Variants in HIVEP3 observed in about 807,000 individuals in gnomAD.
The protein encoded by HIVEP3 is HIVEP zinc finger 3.
A neutral mutation model predicts 152.8 loss-of-function variants in HIVEP3; 49 were observed. That is an observed-to-expected ratio of 0.32 (90% CI 0.26 to 0.41). HIVEP3 has a LOEUF of 0.41. Ranked by LOEUF, HIVEP3 falls within the 10% of genes least tolerant of loss-of-function variation. HIVEP3 has a pLI of 1.00. For missense variants in HIVEP3, 2,790 were observed against 3,103.3 expected, an observed-to-expected ratio of 0.90 and a Z score of 2.40; for synonymous variants, 1,269 against 1,289.0, an observed-to-expected ratio of 0.98 and a Z score of 0.33.
chr1:41,779,787 G>T (rs1488190487), intron 1 of HIVEP3, among the ~76,000 whole-genome samples: 1 of 152,100 alleles, frequency 6.6e-6, no homozygotes, highest in Non-Finnish European at 1.5e-5. Context: ...GTGTGCCACC[G>T]TACCTGGCCA....
chr1:41,635,499 T>C (rs1022019767), intron 2 of HIVEP3, among the ~76,000 whole-genome samples: 12 of 132,544 alleles, frequency 9.1e-5, no homozygotes, highest in East Asian at 2.2e-4. Context: ...TACACACACA[T>C]ATATACATAT....
At chr1:41,761,297 AGTGT>A (rs367948094) in intron 1 of HIVEP3, among the ~76,000 whole-genome samples, 24 of 151,316 alleles carry the variant, frequency 1.6e-4, no homozygotes, top group South Asian at 2.1e-4. Context: ...CACCTACGTG[AGTGT>A]GTGAGTGTAT....
Position 41,698,316 on chromosome 1 carries a change from C to T in HIVEP3, c.-721+2600G>A, listed in dbSNP as rs113272633. On this transcript the variant is annotated intron_variant, in intron 2 of 8. Transcript: ENST00000372583. ...AGGACCTGTTCCCTCCTTGTCTCTA[C>T]CTGGGTAGAGACTAAGTTTATTCAT... Among the ~76,000 whole-genome samples the T allele has an allele frequency of 6.4e-3, 977 of 152,208 alleles. 15 individuals carry two copies. The highest frequency in any genetic ancestry group is 0.023 in the African/African-American group (940 of 41,520).
intron 2 of HIVEP3, among the ~76,000 whole-genome samples, chr1:41,681,674 C>T (rs1328162910): frequency 6.6e-6 from 1 of 152,176 alleles, no homozygotes; most frequent in East Asian, 1.9e-4. Context: ...GCCCCTCTCT[C>T]CTTGCTTCCC....
intron 6 of HIVEP3, among the ~76,000 whole-genome samples, chr1:41,520,393 A>T (rs958457362): frequency 3.3e-5 from 5 of 152,146 alleles, no homozygotes; most frequent in Admixed American, 6.5e-5. Flanking sequence ...CCATAGTGGG[A>T]GCAAAGCCAT....
intron 1 of HIVEP3, among the ~76,000 whole-genome samples, chr1:41,830,544 G>A (rs1380755153): frequency 6.6e-6 from 1 of 152,054 alleles, no homozygotes; most frequent in Non-Finnish European, 1.5e-5. Context: ...ATTCTGAAGG[G>A]AGCTGTGTTA....
intron 1 of HIVEP3, among the ~76,000 whole-genome samples, chr1:41,839,623 G>A (rs1166780917): frequency 6.6e-6 from 1 of 152,160 alleles, no homozygotes; most frequent in East Asian, 1.9e-4. Flanking sequence ...TCTGGAGTGG[G>A]GCATGGGATG....
At chr1:41,579,260 G>A (rs1644365407) in intron 4 of HIVEP3, among the ~76,000 whole-genome samples, 1 of 152,172 alleles carries the variant, frequency 6.6e-6, no homozygotes, top group Non-Finnish European at 1.5e-5. Flanking sequence ...TCTTGGAAAT[G>A]GGAAGATTTA....
At chr1:41,639,104 T>G (rs1001562865) in intron 2 of HIVEP3, among the ~76,000 whole-genome samples, 1 of 152,234 alleles carries the variant, frequency 6.6e-6, no homozygotes, top group African/African-American at 2.4e-5. Context: ...TCAAATTTGA[T>G]CTGTGTGGGG....
In HIVEP3 at chr1:41,766,524, C is replaced by T. The variant is rs186394964; in HGVS notation, c.-800-65529G>A. ...CTTTCTCATTTAATCCTCACCACCACGGTATGAGACAGGCAGTGCCATTTT... is the reference window on the plus strand; with the variant it reads ...CTTTCTCATTTAATCCTCACCACCATGGTATGAGACAGGCAGTGCCATTTT... On this transcript the variant is annotated intron_variant, in intron 1 of 8. Coordinates refer to ENST00000372583, the MANE Select transcript of HIVEP3 (RefSeq NM_024503.5). Among the ~76,000 whole-genome samples the T allele has an allele frequency of 2.6e-3, 390 of 151,842 alleles. 1 individual carries two copies. The highest frequency in any genetic ancestry group is 9.1e-3 in the African/African-American group (373 of 41,104).
intron 1 of HIVEP3, among the ~76,000 whole-genome samples, chr1:41,756,973 G>A (rs1241394842): frequency 6.6e-6 from 1 of 151,902 alleles, no homozygotes; most frequent in Non-Finnish European, 1.5e-5. Flanking sequence ...TGGGGTCAGT[G>A]GCTCATGCCT....
At chr1:41,886,712 C>CAAAAAAAAAAAAAA in intron 1 of HIVEP3, among the ~76,000 whole-genome samples, 1 of 87,788 alleles carries the variant, frequency 1.1e-5, no homozygotes, top group Non-Finnish European at 2.2e-5. Flanking sequence ...AACTCCATTT[C>CAAAAAAAAAAAAAA]AAAAAAAAAA....
In HIVEP3 at chr1:41,510,710, C is replaced by G; in HGVS notation, c.6962G>C (p.Gly2321Ala). ...GCTCCAGGACTGCGCTGCCCGGCGTCCCTGGGGCGGCCGGGGCAAGGTGTC... is the reference window on the plus strand; with the variant it reads ...GCTCCAGGACTGCGCTGCCCGGCGTGCCTGGGGCGGCCGGGGCAAGGTGTC... ...PPDTLPRPPQ[G>A]RRAAQSWSPR... Residue 2321 changes from glycine (G) to alanine (A), a missense_variant, in exon 9 of 9, where the codon GGA becomes GCA. By Grantham distance (60) the Gly-to-Ala change is moderately conservative (BLOSUM62 0). Coordinates refer to ENST00000372583, the MANE Select transcript of HIVEP3 (RefSeq NM_024503.5). The G allele has an allele frequency of 6.5e-7, 1 of 1,531,678 alleles. No homozygotes were observed. The highest frequency in any genetic ancestry group is 2.4e-5 in the East Asian group (1 of 41,950). 94.9% of individuals were successfully genotyped at this position (1,531,678 alleles called of 1,614,324 possible). A position where few individuals can be genotyped will look rare whatever the true frequency, so the allele number is the denominator to read the frequency against.
At chr1:41,611,188 G>A (rs1297031478) in intron 3 of HIVEP3, among the ~76,000 whole-genome samples, 2 of 152,224 alleles carry the variant, frequency 1.3e-5, no homozygotes, top group Non-Finnish European at 2.9e-5. Context: ...GTGAATGGAT[G>A]AATAAACAAA....
At chr1:41,536,086 G>A (rs1047056159) in intron 5 of HIVEP3, among the ~76,000 whole-genome samples, 12 of 152,140 alleles carry the variant, frequency 7.9e-5, no homozygotes, top group African/African-American at 2.9e-4. Flanking sequence ...TCAAAGAGGG[G>A]TTGTGGTGGA....
At position 41,803,308 on chromosome 1, in the gene HIVEP3, T is replaced by C. The variant is rs16828715; in HGVS notation, c.-800-102313A>G. On this transcript the variant is annotated intron_variant, in intron 1 of 8. Transcript: ENST00000372583. ...TTTAAATTTCACAGGCGAAAAAGTC[T>C]TGCAATGTCTTTATAAAGGTGACCA... Among the ~76,000 whole-genome samples the C allele has an allele frequency of 4.8e-3, 732 of 152,316 alleles. 37 individuals are homozygous for C. The East Asian group carries it at 0.1, about 21-fold the overall frequency.
intron 1 of HIVEP3, among the ~76,000 whole-genome samples, chr1:41,976,550 T>C (rs1272463021): frequency 6.6e-6 from 1 of 152,260 alleles, no homozygotes; most frequent in Non-Finnish European, 1.5e-5. Flanking sequence ...TATTTTGCTA[T>C]CTTAAAAGTA....
At chr1:41,909,096 T>C (rs1313286080) in intron 1 of HIVEP3, among the ~76,000 whole-genome samples, 1 of 152,078 alleles carries the variant, frequency 6.6e-6, no homozygotes, top group Admixed American at 6.5e-5. Flanking sequence ...GAGGCAACAA[T>C]GGAAACAGAG....
chr1:41,513,411 G>A lies in HIVEP3; in HGVS notation c.5810C>T (p.Pro1937Leu), dbSNP rs535070077. The A allele has an allele frequency of 1.4e-5, 22 of 1,612,080 alleles. No individual in the cohort carries two copies. Among genetic ancestry groups the A allele is most frequent in the South Asian group, 5.5e-5 (5 of 91,022 alleles). The change falls in exon 8 of 9, where the codon CCG (proline) becomes CTG (leucine). Residue 1937 changes from proline to leucine, a missense_variant. Around this residue, in one of 9 missense-constraint regions of HIVEP3, gnomAD observed 816 missense variants for 806.5 expected, o/e 1.01. Transcript: ENST00000372583. ...SSCSMSSQSM[P>L]GLPWLGPAPL... The stretch of plus-strand genomic sequence containing the variant: ...GGCCGGTCCCAGCCAGGGGAGGCCC[G>A]GCATGCTCTGGCTGGACATGGAGCA...
Sources: gnomAD v4.1 joint callset for allele counts (sites outside exome capture counted in the v4.1 genomes callset) on GRCh38, gnomAD v4.1.1 for gene constraint, gnomAD v4.1.1 regional missense constraint, MANE v1.5 for transcripts, NCBI Gene and HGNC (gene_info 2026-07-23, HGNC 2026-07-21) for gene names.